USP30: variants seen among roughly 807,000 people sequenced by gnomAD.
USP30 encodes the protein ubiquitin specific peptidase 30.
Under a neutral mutation model 68.2 loss-of-function variants are expected in USP30, and 41 were observed. That is an observed-to-expected ratio of 0.60 (90% confidence interval 0.47 to 0.78). USP30 has a LOEUF of 0.78. Ranked by LOEUF, USP30 falls within the 30% of genes least tolerant of loss-of-function variation. The pLI is 0.00. For synonymous variants in USP30, 229 were observed against 253.7 expected, an observed-to-expected ratio of 0.90 and a Z score of 0.93; for missense variants, 522 against 649.4, an observed-to-expected ratio of 0.80 and a Z score of 2.13.
chr12:109,064,431 A>G (rs1437881220), intron 3 of USP30, among the ~76,000 whole-genome samples: 4 of 151,794 alleles, frequency 2.6e-5, no homozygotes, highest in Non-Finnish European at 5.9e-5. Flanking sequence ...ACCCCCGGCT[A>G]ATTTTTGGGT....
In USP30 at chr12:109,063,106, A is replaced by AT. The variant is rs71443832; in HGVS notation, c.377-4407dup. Among the ~76,000 whole-genome samples, 199 of 150,012 alleles carry AT rather than the reference A, an allele frequency of 1.3e-3. 1 individual carries two copies. Among genetic ancestry groups the AT allele is most frequent in the African/African-American group, 4.4e-3 (180 of 40,512 alleles). On this transcript the variant is annotated intron_variant, in intron 3 of 12. Coordinates refer to ENST00000257548, the MANE Select transcript of USP30 (RefSeq NM_032663.5). ...TTTAAGGCTGAATAATATTCTTTCT[A>AT]TTTTTTTTTTTAAGACAAAGTCTCA...
chr12:109,045,709 C>G (rs913313834), intron 3 of USP30, among the ~76,000 whole-genome samples: 4 of 152,016 alleles, frequency 2.6e-5, no homozygotes, highest in African/African-American at 9.7e-5. Context: ...GGGGTCTTGT[C>G]GGTAACAAGT....
intron 4 of USP30, among the ~76,000 whole-genome samples, chr12:109,068,378 G>A (rs552337571): frequency 2.2e-4 from 33 of 152,302 alleles, no homozygotes; most frequent in Middle Eastern, 3.4e-3. Context: ...TGGGGCCGAC[G>A]TGAGGGGCAT....
At chr12:109,036,324 G>A (rs1212019681) in intron 3 of USP30, among the ~76,000 whole-genome samples, 5 of 147,870 alleles carry the variant, frequency 3.4e-5, no homozygotes, top group Admixed American at 2.0e-4. Flanking sequence ...TTTTTTTTAG[G>A]GAGTCTCACC....
intron 3 of USP30, among the ~76,000 whole-genome samples, chr12:109,029,175 G>A (rs1187141139): frequency 1.3e-5 from 2 of 152,214 alleles, no homozygotes; most frequent in Non-Finnish European, 2.9e-5. Context: ...GATACTGGCT[G>A]CAGCTTGGTC....
intron 3 of USP30, among the ~76,000 whole-genome samples, chr12:109,029,084 A>G (rs1276144127): frequency 6.6e-6 from 1 of 152,200 alleles, no homozygotes; most frequent in Non-Finnish European, 1.5e-5. Flanking sequence ...CAAGTTTCCT[A>G]CCTTCTAAGA....
At position 109,086,185 on chromosome 12, in the gene USP30, C is replaced by T. The variant is rs114163465; in HGVS notation, c.*254C>T. ...ATTATGTCCGGAGTGTCTTTTTACT[C>T]ATCTGATACAGGTAATTAAAAGAAC... On this transcript the variant is annotated 3_prime_UTR_variant, in exon 13 of 13. Coordinates refer to ENST00000257548, the MANE Select transcript of USP30 (RefSeq NM_032663.5). The T allele has an allele frequency of 1.5e-3, 654 of 436,356 alleles. 1 individual carries two copies. Among genetic ancestry groups the T allele is most frequent in the African/African-American group, 0.012 (610 of 50,906 alleles). 27.0% of individuals were successfully genotyped at this position (436,356 alleles called of 1,614,324 possible).
chr12:109,031,682 C>T (rs1290541627), intron 3 of USP30, among the ~76,000 whole-genome samples: 2 of 152,142 alleles, frequency 1.3e-5, no homozygotes, highest in Admixed American at 6.6e-5. Flanking sequence ...AAATGAATGA[C>T]GTTCCAATAG....
chr12:109,080,217 C>G (rs761081189), intron 7 of USP30, among the ~76,000 whole-genome samples: 1 of 152,134 alleles, frequency 6.6e-6, no homozygotes, highest in Non-Finnish European at 1.5e-5. Context: ...TGGCATTTCC[C>G]CTGGTCTCTC....
At chr12:109,062,596 G>A (rs1593256639) in intron 3 of USP30, among the ~76,000 whole-genome samples, 4 of 152,138 alleles carry the variant, frequency 2.6e-5, no homozygotes, top group African/African-American at 2.4e-5. Flanking sequence ...CCAAAGTGCT[G>A]GGATTACAGG....
Position 109,079,281 on chromosome 12 carries a change from T to C in USP30, c.721-2053T>C, listed in dbSNP as rs148441556. Among the ~76,000 whole-genome samples, 375 of 151,418 alleles carry C rather than the reference T, an allele frequency of 2.5e-3. 3 individuals carry two copies. The highest frequency in any genetic ancestry group is 0.01 in the Middle Eastern group (3 of 294). On this transcript the variant is annotated intron_variant, in intron 7 of 12. Coordinates refer to ENST00000257548, the MANE Select transcript of USP30 (RefSeq NM_032663.5). ...TGTGTGTTCTTTAAATTAGATCATT[T>C]CTATTGACTTATCTTCACGTTCACT...
chr12:109,077,826 G>C (rs1005633491), intron 7 of USP30, among the ~76,000 whole-genome samples: 2 of 139,262 alleles, frequency 1.4e-5, no homozygotes, highest in South Asian at 2.1e-4. Context: ...TGTTTGTGTT[G>C]GGGGGGGAGG....
At chr12:109,078,455 C>T (rs1216026444) in intron 7 of USP30, among the ~76,000 whole-genome samples, 1 of 150,638 alleles carries the variant, frequency 6.6e-6, no homozygotes, top group Non-Finnish European at 1.5e-5. Context: ...CACCAGTTTA[C>T]ATTCCCACCA....
chr12:109,083,169 C>T (rs750407649), intron 11 of USP30, 107 bp downstream of exon 11: 5 of 1,136,034 alleles, frequency 4.4e-6, no homozygotes, highest in African/African-American at 1.6e-5. Context: ...AAGGCTTGTA[C>T]AATGGTGCTT....
intron 11 of USP30, 75 bp from the exon 12 acceptor site, chr12:109,084,878 C>G: frequency 7.0e-7 from 1 of 1,436,398 alleles, no homozygotes; most frequent in South Asian, 1.6e-5. Context: ...AGTTAACTTT[C>G]AAGGTAATCA....
At chr12:109,062,800 G>A (rs747595765) in intron 3 of USP30, among the ~76,000 whole-genome samples, 4 of 152,088 alleles carry the variant, frequency 2.6e-5, no homozygotes, top group South Asian at 4.2e-4. Flanking sequence ...CAGCAGTCAC[G>A]GCCATCCCTC....
intron 3 of USP30, among the ~76,000 whole-genome samples, chr12:109,029,880 C>T (rs1038213222): frequency 6.6e-6 from 1 of 152,160 alleles, no homozygotes; most frequent in African/African-American, 2.4e-5. Context: ...CTTTGATTAA[C>T]ATTAATGGTA....
chr12:109,085,959 A>G lies in USP30; in HGVS notation c.*28A>G, dbSNP rs749490112. On this transcript the variant is annotated 3_prime_UTR_variant, in exon 13 of 13. Coordinates refer to ENST00000257548, the MANE Select transcript of USP30 (RefSeq NM_032663.5). Reference sequence around the variant, plus strand: ...GTGCCCTCCTGCAAGGCTAGAGCTGATGGCACTGTCTGCACTGTCCAGGAA... The same window carrying G: ...GTGCCCTCCTGCAAGGCTAGAGCTGGTGGCACTGTCTGCACTGTCCAGGAA... The G allele has an allele frequency of 1.9e-6, 3 of 1,606,192 alleles. No individual in the cohort carries two copies. Among genetic ancestry groups the G allele is most frequent in the Admixed American group, 1.7e-5 (1 of 59,052 alleles).
At chr12:109,081,306 T>C (rs775388148) in intron 7 of USP30, 28 bp from the exon 8 acceptor site, 2 of 1,613,030 alleles carry the variant, frequency 1.2e-6, no homozygotes, top group Non-Finnish European at 1.7e-6. Context: ...CTAAATCGTT[T>C]CTGGATTTTC....
Sources: allele counts gnomAD v4.1 joint callset (sites outside exome capture counted in the v4.1 genomes callset), GRCh38; gene constraint gnomAD v4.1.1; transcripts MANE v1.5; gene names NCBI Gene and HGNC (gene_info 2026-07-23, HGNC 2026-07-21).